PHKB: variants seen among roughly 807,000 people sequenced by gnomAD.
PHKB encodes the protein phosphorylase b kinase regulatory subunit beta.
In PHKB, 122 loss-of-function variants were observed where a neutral mutation model predicts 152.1. The ratio of observed to expected loss-of-function variants is 0.80; its 90% CI spans 0.69 to 0.93. PHKB has a LOEUF of 0.93. PHKB is among the 40% of genes least tolerant of loss of function. PHKB has a pLI of 0.00. For missense variants in PHKB, 1,304 were observed against 1,328.4 expected (o/e 0.98, Z 0.29); for synonymous variants, 436 against 464.9 (o/e 0.94, Z 0.80).
rs1649292595 is a variant in PHKB, at chr16:47,641,673, C to T, written c.1589C>T (p.Pro530Leu). 1.9e-6 allele frequency: 3 copies of T among 1,587,130 alleles called. No homozygotes were observed. Among genetic ancestry groups the T allele is most frequent in the Non-Finnish European group, 2.6e-6 (3 of 1,155,460 alleles). The change falls in exon 16 of 31, where the codon CCT becomes CTT. Residue 530 changes from proline (P) to leucine (L), a missense_variant. By Grantham distance (98) the Pro-to-Leu change is moderately conservative (BLOSUM62 -3). Transcript: ENST00000323584. ...CAAGTAGAACCCATTCAGATATGGC[C>T]TCAGCAGGAGCTTGTGAAAGTAAGT... The part of the protein sequence containing the change: ...PQQVEPIQIW[P>L]QQELVKAYLQ...
intron 1 of PHKB, among the ~76,000 whole-genome samples, chr16:47,474,260 C>T (rs1249080814): frequency 6.6e-6 from 1 of 152,080 alleles, no homozygotes; most frequent in Non-Finnish European, 1.5e-5. Context: ...GTTTACATGG[C>T]CCTCCTTTTT....
chr16:47,608,844 T>C (rs1972374639), intron 13 of PHKB, among the ~76,000 whole-genome samples: 1 of 152,260 alleles, frequency 6.6e-6, no homozygotes, highest in African/African-American at 2.4e-5. Context: ...TGCCACACTA[T>C]TAATTACCAT....
rs185484764 is a variant in PHKB, at chr16:47,584,218, A to G, written c.775-3450A>G. The stretch of plus-strand genomic sequence containing the variant: ...AGAGCTACATTTAGAAACATATATA[A>G]TCCTCAATATGGGAATCACATATTT... On this transcript the variant is annotated intron_variant, in intron 8 of 30. Coordinates refer to ENST00000323584, the MANE Select transcript of PHKB (RefSeq NM_000293.3). Among the ~76,000 whole-genome samples, 39 of 152,246 alleles carry G rather than the reference A, an allele frequency of 2.6e-4. No homozygotes were observed. The East Asian group carries it at 7.1e-3, about 28-fold the overall frequency.
At chr16:47,540,706 C>T (rs570695858) in intron 6 of PHKB, among the ~76,000 whole-genome samples, 12 of 151,808 alleles carry the variant, frequency 7.9e-5, no homozygotes, top group South Asian at 2.1e-4. Flanking sequence ...CAGGTTCCCC[C>T]GAGAAATAAT....
At chr16:47,699,056 G>C in intron 30 of PHKB, 173 bp from the exon 31 acceptor site, 1 of 645,582 alleles carries the variant, frequency 1.5e-6, no homozygotes, top group Non-Finnish European at 2.7e-6. Context: ...AAAAATATCT[G>C]TCTTTGTTTT....
At chr16:47,663,565 G>A (rs1231287951) in intron 23 of PHKB, 112 bp from the exon 24 acceptor site, 28 of 802,468 alleles carry the variant, frequency 3.5e-5, no homozygotes, top group Admixed American at 1.7e-4. Flanking sequence ...TTAATGGATC[G>A]ATGTATCAAC....
intron 1 of PHKB, 26 bp downstream of exon 1, chr16:47,461,452 C>A: frequency 1.2e-6 from 2 of 1,610,660 alleles, no homozygotes; most frequent in Non-Finnish European, 1.7e-6. Flanking sequence ...GCGCCGCCCC[C>A]CACCCGAGTA....
Position 47,506,237 on chromosome 16 carries a change from C to T in PHKB, c.405+3147C>T, listed in dbSNP as rs1970417335. On this transcript the variant is annotated intron_variant, in intron 4 of 30. Coordinates refer to ENST00000323584, the MANE Select transcript of PHKB (RefSeq NM_000293.3). ...AATAATAAAAAGAGTGATAACAAGT[C>T]TTCTTCTTCAGGCCTGTAATTCAAG... is the stretch of plus-strand genomic sequence containing the variant. Among the ~76,000 whole-genome samples, 19 of 151,260 alleles carry T rather than the reference C, an allele frequency of 1.3e-4. No homozygotes were observed. In the South Asian group the frequency reaches 4.0e-3, roughly 32 times the overall value.
chr16:47,549,786 G>C (rs1567302307), intron 7 of PHKB, among the ~76,000 whole-genome samples: 1 of 152,178 alleles, frequency 6.6e-6, no homozygotes, highest in Non-Finnish European at 1.5e-5. Flanking sequence ...GAGGATGTCA[G>C]AAGGTCCCTG....
Position 47,589,067 on chromosome 16 carries a change from C to T in PHKB, c.1033C>T (p.Pro345Ser). ...TGGGTATAGAACATCATTGGAAGAT[C>T]CCAACAGATGCTACTACAAGCCAGC... Reference protein sequence around the residue: ...RDGYRTSLEDPNRCYYKPAEI... With the variant: ...RDGYRTSLEDSNRCYYKPAEI... The change falls in exon 10 of 31, where the codon CCC becomes TCC. Residue 345 changes from proline (P) to serine (S), a missense_variant. By Grantham distance (74) the Pro-to-Ser change is moderately conservative. Transcript: ENST00000323584. 1 of 1,613,134 alleles carries T rather than the reference C, an allele frequency of 6.2e-7. No individual in the cohort carries two copies. Among genetic ancestry groups the T allele is most frequent in the Non-Finnish European group, 8.5e-7 (1 of 1,179,220 alleles).
upstream of PHKB, chr16:47,461,318 G>A: frequency 3.2e-6 from 5 of 1,545,272 alleles, no homozygotes; most frequent in Non-Finnish European, 4.4e-6. Flanking sequence ...AGGCGGCCCC[G>A]GGGGCGGTGG....
chr16:47,610,159 A>ATTTTTTTTTTTT (rs371224839), intron 13 of PHKB, among the ~76,000 whole-genome samples: 161 of 99,422 alleles, frequency 1.6e-3, no homozygotes, highest in East Asian at 7.0e-3. Flanking sequence ...TGCCCAGCTA[A>ATTTTTTTTTTTT]TTTTTTTTTT....
At chr16:47,541,134 TACCCCTTCCCCATCACACC>T (rs1455713710) in intron 6 of PHKB, among the ~76,000 whole-genome samples, 1 of 152,186 alleles carries the variant, frequency 6.6e-6, no homozygotes, top group Non-Finnish European at 1.5e-5. Context: ...CTCCTAATGC[TACCCCTTCCCCATCACACC>T]ACCACATGAC....
chr16:47,671,847 C>A (rs1597167154), intron 26 of PHKB, among the ~76,000 whole-genome samples: 1 of 152,098 alleles, frequency 6.6e-6, no homozygotes, highest in African/African-American at 2.4e-5. Context: ...ATAAAAAATG[C>A]TGTGCTACCT....
At position 47,678,726 on chromosome 16, in the gene PHKB, T is replaced by C. The variant is rs574865820; in HGVS notation, c.2630+9309T>C. On this transcript the variant is annotated intron_variant, in intron 26 of 30. Transcript: ENST00000323584. ...TTTCTCCCATTCTGTAGGTTGCCTG[T>C]TCACTCTGATGGTGGTTTCTTTTGC... 6.7e-3 allele frequency among the ~76,000 whole-genome samples: 1,021 copies of C among 152,098 alleles called. 12 individuals carry two copies. The highest frequency in any genetic ancestry group is 0.023 in the African/African-American group (953 of 41,548).
At chr16:47,683,331 C>T (rs1316409177) in intron 26 of PHKB, among the ~76,000 whole-genome samples, 1 of 152,232 alleles carries the variant, frequency 6.6e-6, no homozygotes, top group East Asian at 1.9e-4. Context: ...TTACTGCCGT[C>T]TTTTTGTTTG....
rs574886176 is a variant in PHKB, at chr16:47,547,537, G to A, written c.699G>A (p.Glu233=). The A allele has an allele frequency of 2.5e-6, 4 of 1,590,564 alleles. No homozygotes were observed. The highest frequency in any genetic ancestry group is 1.7e-4 in the Middle Eastern group (1 of 6,032). ...RGSKYNNGST[E]LHSSSVGLAK... is the part of the protein sequence containing the mutation. The stretch of plus-strand genomic sequence containing the variant: ...GCAAATATAATAATGGCAGCACAGA[G>A]CTACATTCGAGGTAATTTGCTGATT... Residue 233 remains glutamate, a synonymous_variant, in exon 7 of 31, where the codon GAG becomes GAA. Coordinates refer to ENST00000323584, the MANE Select transcript of PHKB (RefSeq NM_000293.3).
chr16:47,508,907 C>A (rs912094935), intron 4 of PHKB, among the ~76,000 whole-genome samples: 4 of 152,054 alleles, frequency 2.6e-5, no homozygotes, highest in African/African-American at 9.7e-5. Flanking sequence ...CTTTTAATGG[C>A]TTTAAAACTC....
At chr16:47,559,913 T>G (rs1436818582) in intron 7 of PHKB, among the ~76,000 whole-genome samples, 1 of 152,160 alleles carries the variant, frequency 6.6e-6, no homozygotes, top group Non-Finnish European at 1.5e-5. Context: ...CCAGCCCTTG[T>G]TATTTCTCTC....
Sources: allele counts gnomAD v4.1 joint callset (sites outside exome capture counted in the v4.1 genomes callset), GRCh38; gene constraint gnomAD v4.1.1; transcripts MANE v1.5; gene names NCBI Gene and HGNC (gene_info 2026-07-23, HGNC 2026-07-21).